The following MYO9A variants were observed in gnomAD, a reference collection of about 807,000 sequenced individuals.
The protein encoded by MYO9A is myosin IXA, also known as unconventional myosin-IXa.
In MYO9A, 103 loss-of-function variants were observed where a neutral mutation model predicts 293.3. The observed-to-expected ratio is 0.35, with a 90% CI of 0.30 to 0.41. The LOEUF (loss-of-function observed/expected upper bound fraction) is 0.41, where lower values mean the gene tolerates loss of function less well. Among genes scored for constraint, MYO9A ranks in the 10% least tolerant of loss-of-function variants. The pLI is 1.00. For missense variants in MYO9A, 2,685 were observed against 3,033.0 expected, an observed-to-expected ratio of 0.89 and a Z score of 2.69; for synonymous variants, 1,001 against 1,035.7, an observed-to-expected ratio of 0.97 and a Z score of 0.64.
intron 13 of MYO9A, among the ~76,000 whole-genome samples, chr15:71,961,853 G>A (rs2075754446): frequency 6.6e-6 from 1 of 152,044 alleles, no homozygotes; most frequent in African/African-American, 2.4e-5. Context: ...CCGTGTACCT[G>A]TGAGTACAGA....
intron 1 of MYO9A, among the ~76,000 whole-genome samples, chr15:72,073,555 T>C (rs552870577): frequency 6.6e-6 from 1 of 152,326 alleles, no homozygotes; most frequent in South Asian, 2.1e-4. Flanking sequence ...CACACTTTGA[T>C]TGAACAAATA....
intron 3 of MYO9A, among the ~76,000 whole-genome samples, chr15:72,028,070 A>G (rs1379445594): frequency 6.6e-6 from 1 of 150,788 alleles, no homozygotes; most frequent in Non-Finnish European, 1.5e-5. Flanking sequence ...GGTGGCAGGC[A>G]CCTGTAATCC....
chr15:72,010,862 ACCC>A (rs1358204831), intron 6 of MYO9A, among the ~76,000 whole-genome samples: 11 of 152,278 alleles, frequency 7.2e-5, no homozygotes, highest in African/African-American at 2.4e-4. Flanking sequence ...ACAAGTGCCT[ACCC>A]TATGTAAGGC....
intron 40 of MYO9A, 149 bp downstream of exon 40, chr15:71,829,960 C>A (rs2054650087): frequency 2.3e-6 from 2 of 879,014 alleles, no homozygotes; most frequent in Non-Finnish European, 3.5e-6. Flanking sequence ...GTATAGACAA[C>A]ACGTCTTTGT....
rs2057428506 is a variant in MYO9A, at chr15:71,899,727, G to T, written c.3430C>A (p.Leu1144Ile). Reference sequence around the variant, plus strand: ...AATCCTCTACATGTTGATTGCAAAAGGATAATTTTTTTCCTTTGTTCTTGG... The same window carrying T: ...AATCCTCTACATGTTGATTGCAAAATGATAATTTTTTTCCTTTGTTCTTGG... ...RYQEQRKKII[L>I]LQSTCRGFRA... The change falls in exon 24 of 42, where the codon CTT (leucine) becomes ATT (isoleucine). Residue 1144 changes from leucine to isoleucine, a missense_variant. Coordinates refer to ENST00000356056, the MANE Select transcript of MYO9A (RefSeq NM_006901.4). The T allele has an allele frequency of 6.2e-7, 1 of 1,613,844 alleles. No homozygotes were observed.
At chr15:71,997,274 T>A (rs1012249132) in intron 9 of MYO9A, among the ~76,000 whole-genome samples, 9 of 152,180 alleles carry the variant, frequency 5.9e-5, no homozygotes, top group Admixed American at 4.6e-4. Context: ...TTTGCACATT[T>A]CTCGGCACAA....
At chr15:71,982,004 A>AT (rs2076284399) in intron 11 of MYO9A, among the ~76,000 whole-genome samples, 2 of 108,388 alleles carry the variant, frequency 1.8e-5, no homozygotes, top group African/African-American at 7.1e-5. Flanking sequence ...GCCTATTTAG[A>AT]ATTTTTTTTT....
At chr15:71,912,408 G>A (rs771512023) in intron 19 of MYO9A, among the ~76,000 whole-genome samples, 3 of 151,844 alleles carry the variant, frequency 2.0e-5, no homozygotes, top group African/African-American at 2.4e-5. Flanking sequence ...GGCGCCCATC[G>A]CCATGCCTGG....
intron 23 of MYO9A, among the ~76,000 whole-genome samples, chr15:71,900,363 G>A (rs947994429): frequency 2.0e-5 from 3 of 148,678 alleles, no homozygotes; most frequent in Non-Finnish European, 4.4e-5. Context: ...GTGAACCTGG[G>A]AGCTGGAGCT....
intron 1 of MYO9A, among the ~76,000 whole-genome samples, chr15:72,103,004 T>C (rs1350364755): frequency 6.7e-6 from 1 of 149,970 alleles, no homozygotes; most frequent in African/African-American, 2.5e-5. Context: ...TTTTTTGAGA[T>C]GGAATCTCAC....
intron 1 of MYO9A, among the ~76,000 whole-genome samples, chr15:72,097,383 G>T (rs920105479): frequency 6.6e-6 from 1 of 152,108 alleles, no homozygotes; most frequent in African/African-American, 2.4e-5. Flanking sequence ...ATGACCGTTA[G>T]CATTTTTTTA....
chr15:71,850,875 G>C (rs1181096549), intron 37 of MYO9A, among the ~76,000 whole-genome samples: 2 of 149,834 alleles, frequency 1.3e-5, no homozygotes, highest in African/African-American at 4.9e-5. Context: ...TTACACACAG[G>C]GGAAGAGACA....
chr15:71,831,802 A>G (rs960070946), intron 39 of MYO9A, among the ~76,000 whole-genome samples: 1 of 152,226 alleles, frequency 6.6e-6, no homozygotes, highest in African/African-American at 2.4e-5. Context: ...AATGAAAACT[A>G]GTAAAAATGA....
At position 71,830,335 on chromosome 15, in the gene MYO9A, A is replaced by G. The variant is rs1052986721; in HGVS notation, c.6838-24T>C. The stretch of plus-strand genomic sequence containing the variant: ...CCCTGCAGAGAAAAATTCATGTTAG[A>G]AAGTAAATTGAGTGACTGCATCAGT... On this transcript the variant is annotated intron_variant, in intron 39 of 41. Coordinates refer to ENST00000356056, the MANE Select transcript of MYO9A (RefSeq NM_006901.4). 15 of 1,608,130 alleles carry G rather than the reference A, an allele frequency of 9.3e-6. No homozygotes were observed. The African/African-American group carries it at 2.0e-4, about 22-fold the overall frequency.
At chr15:71,886,578 T>C (rs1032129891) in intron 27 of MYO9A, among the ~76,000 whole-genome samples, 10 of 152,146 alleles carry the variant, frequency 6.6e-5, no homozygotes, top group East Asian at 1.9e-4. Flanking sequence ...TCTGCTATAA[T>C]TGGGGAAGGT....
At chr15:71,899,540 T>G in intron 24 of MYO9A, 147 bp downstream of exon 24, 2 of 663,634 alleles carry the variant, frequency 3.0e-6, no homozygotes, top group South Asian at 2.1e-5. Flanking sequence ...CAATACAATG[T>G]GGGTTAAAAT....
In MYO9A at chr15:71,898,904, T is replaced by A; in HGVS notation, c.3599A>T (p.Asp1200Val). 1.9e-6 allele frequency: 3 copies of A among 1,614,156 alleles called. No individual in the cohort carries two copies. Among genetic ancestry groups the A allele is most frequent in the South Asian group, 2.2e-5 (2 of 91,078 alleles). ...DPSGWEDCSF[D>V]NRIKAIEECK... ...TTCCTCTATGGCTTTTATTCTGTTG[T>A]CAAAAGAACAATCCTCCCATCCTGA... Residue 1200 changes from aspartate (D) to valine (V), a missense_variant, in exon 25 of 42, where the codon GAC becomes GTC. Physicochemically the swap from Asp to Val is radical, Grantham distance 152 (BLOSUM62 -3). This residue lies in a region of MYO9A where 1,434 missense variants were observed against 1,497.7 expected (regional missense o/e 0.96). Coordinates refer to ENST00000356056, the MANE Select transcript of MYO9A (RefSeq NM_006901.4).
Position 71,938,881 on chromosome 15 carries a change from G to A in MYO9A, c.2349C>T (p.Gly783=), listed in dbSNP as rs1449731488. The change falls in exon 16 of 42, where the codon GGC becomes GGT. Residue 783 remains glycine (G), a synonymous_variant. Transcript: ENST00000356056. ...NPRTPLSDLQ[G]MNALNEKNQH... The stretch of plus-strand genomic sequence containing the variant: ...GGTTTTTTTCATTTAGAGCATTCAT[G>A]CCCTGGAGATCAGAAAGAGGTGTTC... 2 of 1,610,572 alleles carry A rather than the reference G, an allele frequency of 1.2e-6. No homozygotes were observed. The highest frequency in any genetic ancestry group is 2.2e-5 in the South Asian group (2 of 90,536).
At chr15:72,018,977 G>T (rs1021024315) in intron 6 of MYO9A, 62 bp downstream of exon 6, 21 of 1,278,076 alleles carry the variant, frequency 1.6e-5, no homozygotes, top group Middle Eastern at 1.9e-4. Context: ...TCAGATGGAT[G>T]CAAATGCGCA....
Sources: gnomAD v4.1 joint callset for allele counts (sites outside exome capture counted in the v4.1 genomes callset) on GRCh38, gnomAD v4.1.1 for gene constraint, gnomAD v4.1.1 regional missense constraint, MANE v1.5 for transcripts, NCBI Gene and HGNC (gene_info 2026-07-23, HGNC 2026-07-21) for gene names.